Variants in SIK2 observed in about 807,000 individuals in gnomAD.
The protein encoded by SIK2 is salt inducible kinase 2.
SIK2 carries 29 observed loss-of-function variants against 103.2 expected under a neutral mutation model. The ratio of observed to expected loss-of-function variants is 0.28; its 90% CI spans 0.21 to 0.38. SIK2 has a LOEUF of 0.38. Among genes scored for constraint, SIK2 ranks in the 10% least tolerant of loss-of-function variants. The probability of loss-of-function intolerance (pLI) is 1.00; values close to 1 mark genes in which losing one functional copy is unlikely to be tolerated. For synonymous variants in SIK2, 412 were observed against 446.1 expected (o/e 0.92, Z 0.96); for missense variants, 879 against 1,171.0 (o/e 0.75, Z 3.64).
intron 8 of SIK2, among the ~76,000 whole-genome samples, chr11:111,711,373 G>A (rs1027183691): frequency 7.2e-5 from 11 of 152,020 alleles, no homozygotes; most frequent in Non-Finnish European, 1.6e-4. Flanking sequence ...CGCCTGCCTC[G>A]GCCTCCCAAA....
chr11:111,603,768 T>G (rs1037759803), intron 1 of SIK2, among the ~76,000 whole-genome samples: 2 of 152,236 alleles, frequency 1.3e-5, no homozygotes, highest in African/African-American at 4.8e-5. Flanking sequence ...TCCTGGAGTT[T>G]CATCCTTTTC....
chr11:111,666,526 ATTAAG>A (rs781111419), intron 3 of SIK2, among the ~76,000 whole-genome samples: 1 of 152,248 alleles, frequency 6.6e-6, no homozygotes, highest in South Asian at 2.1e-4. Context: ...TTGCAGTATA[ATTAAG>A]TTAAGGCTAT....
chr11:111,629,661 C>T (rs909999376), intron 3 of SIK2, among the ~76,000 whole-genome samples: 17 of 152,008 alleles, frequency 1.1e-4, no homozygotes, highest in Admixed American at 7.9e-4. Context: ...TAACAATGGA[C>T]AAAAGACTGG....
At chr11:111,700,746 C>A in intron 4 of SIK2, 140 bp from the exon 5 acceptor site, 1 of 994,654 alleles carries the variant, frequency 1.0e-6, no homozygotes, top group Non-Finnish European at 1.5e-6. Context: ...AGGGAAACAT[C>A]ACAAGATAAG....
intron 3 of SIK2, among the ~76,000 whole-genome samples, chr11:111,674,025 G>T (rs923618411): frequency 6.7e-6 from 1 of 148,308 alleles, no homozygotes; most frequent in African/African-American, 2.5e-5. Flanking sequence ...AGTGAGCTGA[G>T]ATCGCACCGC....
At chr11:111,610,042 T>C (rs182666030) in intron 1 of SIK2, among the ~76,000 whole-genome samples, 1 of 152,232 alleles carries the variant, frequency 6.6e-6, no homozygotes, top group Non-Finnish European at 1.5e-5. Context: ...GAATAGCTCT[T>C]ATTTGTAACT....
chr11:111,665,960 G>A (rs1206329314), intron 3 of SIK2, among the ~76,000 whole-genome samples: 2 of 152,178 alleles, frequency 1.3e-5, no homozygotes, highest in Admixed American at 6.5e-5. Context: ...CTAGACCACC[G>A]TTAAGGGTCA....
intron 3 of SIK2, among the ~76,000 whole-genome samples, chr11:111,656,713 G>A (rs1942396676): frequency 2.0e-5 from 3 of 152,076 alleles, no homozygotes; most frequent in African/African-American, 4.8e-5. Context: ...GGTGATTTTG[G>A]CATTTCAAAT....
At chr11:111,607,614 G>A (rs1438921259) in intron 1 of SIK2, among the ~76,000 whole-genome samples, 1 of 152,006 alleles carries the variant, frequency 6.6e-6, no homozygotes, top group Non-Finnish European at 1.5e-5. Context: ...TAACTCAATC[G>A]CTAATATTTG....
intron 3 of SIK2, among the ~76,000 whole-genome samples, chr11:111,643,672 A>G (rs1261314218): frequency 2.6e-5 from 4 of 151,568 alleles, no homozygotes; most frequent in Non-Finnish European, 5.9e-5. Flanking sequence ...TTAGCTGGGC[A>G]TGGTGGTGCG....
At chr11:111,704,405 A>G (rs1041165656) in intron 7 of SIK2, among the ~76,000 whole-genome samples, 1 of 152,236 alleles carries the variant, frequency 6.6e-6, no homozygotes. Context: ...TTTGGGAAGC[A>G]ACTTTATTTT....
intron 4 of SIK2, among the ~76,000 whole-genome samples, chr11:111,690,114 G>GT (rs1942909786): frequency 6.6e-6 from 1 of 151,716 alleles, no homozygotes; most frequent in South Asian, 2.1e-4. Flanking sequence ...ACTTCCATTT[G>GT]TTTTTTTCCC....
rs778346567 is a variant in SIK2 at position 111,726,961 on chromosome 11, G to T, written c.*2832G>T. 3 of 1,612,594 alleles carry T rather than the reference G, an allele frequency of 1.9e-6. No individual in the cohort carries two copies. The highest frequency in any genetic ancestry group is 2.2e-5 in the South Asian group (2 of 91,004). On this transcript the variant is annotated 3_prime_UTR_variant, in exon 15 of 15. Coordinates refer to ENST00000304987, the MANE Select transcript of SIK2 (RefSeq NM_015191.3). Reference sequence around the variant, plus strand: ...TTTTATGTTCTTTTTTTAAATCTGGGGTATTAGTCTGTGCTTTGGGAGAAA... The same window carrying T: ...TTTTATGTTCTTTTTTTAAATCTGGTGTATTAGTCTGTGCTTTGGGAGAAA...
In SIK2 at chr11:111,723,828, C is replaced by G; in HGVS notation, c.2480C>G (p.Pro827Arg). ...QLQQQQPPPP[P>R]PPPPPRQPGA... ...CAGCAGCAGCAGCCGCCACCGCCAC[C>G]ACCCCCTCCACCACCACGACAGCCA... The change falls in exon 15 of 15, where the codon CCA (proline) becomes CGA (arginine). Residue 827 changes from proline (P) to arginine (R), a missense_variant. Physicochemically the swap from Pro to Arg is moderately radical, Grantham distance 103. Coordinates refer to ENST00000304987, the MANE Select transcript of SIK2 (RefSeq NM_015191.3). 6.2e-7 allele frequency: 1 copy of G among 1,613,612 alleles called. No homozygotes were observed. Among genetic ancestry groups the G allele is most frequent in the Non-Finnish European group, 8.5e-7 (1 of 1,179,914 alleles).
intron 10 of SIK2, 77 bp downstream of exon 10, chr11:111,720,080 T>C (rs1943757019): frequency 7.0e-7 from 1 of 1,426,374 alleles, no homozygotes; most frequent in Non-Finnish European, 9.7e-7. Flanking sequence ...GTGGTCACGA[T>C]GCCAGCCAAC....
chr11:111,724,087 C>T lies in SIK2; in HGVS notation c.2739C>T (p.Asp913=), dbSNP rs565862681. The T allele has an allele frequency of 2.0e-5, 32 of 1,613,026 alleles. No homozygotes were observed. Among genetic ancestry groups the T allele is most frequent in the Middle Eastern group, 1.6e-4 (1 of 6,084 alleles). The stretch of plus-strand genomic sequence containing the variant: ...GACTCTTTGATTGTGAAATGCTAGA[C>T]GCTGTGGATCCACAACACAACGGGT... ...LPGLFDCEML[D]AVDPQHNGYV... The change falls in exon 15 of 15, where the codon GAC becomes GAT. Residue 913 remains aspartate, a synonymous_variant. Coordinates refer to ENST00000304987, the MANE Select transcript of SIK2 (RefSeq NM_015191.3).
At chr11:111,644,602 C>T (rs900204284) in intron 3 of SIK2, among the ~76,000 whole-genome samples, 3 of 152,042 alleles carry the variant, frequency 2.0e-5, no homozygotes, top group African/African-American at 7.2e-5. Flanking sequence ...ATATTCTAAA[C>T]ATACAGTATG....
At chr11:111,709,460 T>G (rs546587098) in intron 8 of SIK2, among the ~76,000 whole-genome samples, 1 of 152,348 alleles carries the variant, frequency 6.6e-6, no homozygotes, top group African/African-American at 2.4e-5. Context: ...GAAAGAACGT[T>G]ATTTTCATTT....
At chr11:111,702,622 C>A (rs535488133) in intron 6 of SIK2, among the ~76,000 whole-genome samples, 2 of 152,248 alleles carry the variant, frequency 1.3e-5, no homozygotes, top group African/African-American at 4.8e-5. Context: ...AGCACAGCGC[C>A]TGCCATATAG....
Sources: allele counts gnomAD v4.1 joint callset (sites outside exome capture counted in the v4.1 genomes callset), GRCh38; gene constraint gnomAD v4.1.1; transcripts MANE v1.5; gene names NCBI Gene and HGNC (gene_info 2026-07-23, HGNC 2026-07-21).